Variants in CCDC171 observed in about 807,000 individuals in gnomAD.
CCDC171 encodes the protein coiled-coil domain containing 171, also known as coiled-coil domain-containing protein 171.
In CCDC171, 177 loss-of-function variants were observed where a neutral mutation model predicts 168.2. That is an observed-to-expected ratio of 1.05 (90% CI 0.93 to 1.19). The LOEUF is 1.19. Ranked by LOEUF, CCDC171 falls within the 50% of genes most tolerant of loss-of-function variation. CCDC171 has a pLI of 0.00. For synonymous variants in CCDC171, 687 were observed against 540.8 expected, an observed-to-expected ratio of 1.27 and a Z score of -3.75; for missense variants, 1,991 against 1,539.0, an observed-to-expected ratio of 1.29 and a Z score of -4.91.
At chr9:15,832,981 C>CTT (rs71325937) in intron 21 of CCDC171, among the ~76,000 whole-genome samples, 71 of 69,418 alleles carry the variant, frequency 1.0e-3, no homozygotes, top group Middle Eastern at 0.011. Flanking sequence ...TCATTATAAT[C>CTT]TTTTTTTTTT....
Position 15,665,779 on chromosome 9 carries a change from T to C in CCDC171, c.916-384T>C, listed in dbSNP as rs937101305. On this transcript the variant is annotated intron_variant, in intron 8 of 25. Coordinates refer to ENST00000380701, the MANE Select transcript of CCDC171 (RefSeq NM_173550.4). The stretch of plus-strand genomic sequence containing the variant: ...CTGGGTGACAAAGTGAGACCTTGTC[T>C]CTTAAAAAACCCAAACATTTAATTT... Among the ~76,000 whole-genome samples the C allele has an allele frequency of 3.3e-5, 5 of 152,204 alleles. No homozygotes were observed. The East Asian group carries it at 9.6e-4, about 29-fold the overall frequency.
chr9:15,989,784 C>G (rs966578889), intron 3 of CCDC171, among the ~76,000 whole-genome samples: 26 of 152,076 alleles, frequency 1.7e-4, no homozygotes, highest in Admixed American at 6.5e-5. Context: ...GACAAATGCA[C>G]AAGCTTCAGT....
intron 2 of CCDC171, among the ~76,000 whole-genome samples, chr9:15,569,949 TG>T (rs2040086388): frequency 6.6e-6 from 1 of 152,154 alleles, no homozygotes; most frequent in South Asian, 2.1e-4. Flanking sequence ...TTTCTTAGTT[TG>T]TGTTTTTGAT....
intron 21 of CCDC171, chr9:15,845,698 A>G (rs1176368098): frequency 6.6e-6 from 1 of 152,116 alleles, no homozygotes; most frequent in Non-Finnish European, 1.5e-5. Flanking sequence ...AGAAAACATT[A>G]TGTGTATGCA....
intron 23 of CCDC171, among the ~76,000 whole-genome samples, chr9:15,854,828 T>C (rs2061285069): frequency 6.6e-6 from 1 of 151,770 alleles, no homozygotes; most frequent in African/African-American, 2.4e-5. Flanking sequence ...CTAATTTCTA[T>C]GATTTCTTCA....
rs2059727545 is a variant in CCDC171, at chr9:15,820,519, C to A, written c.3268-26183C>A. Among the ~76,000 whole-genome samples, 3 of 116,774 alleles carry A rather than the reference C, an allele frequency of 2.6e-5. 1 individual carries two copies. The highest frequency in any genetic ancestry group is 8.1e-5 in the Admixed American group (1 of 12,358). 76.6% of individuals were successfully genotyped at this position (116,774 alleles called of 152,430 possible). ...GATAAAGGGGATATCACCACCGATC[C>A]CACAGAAATACAAACTACCATCAGA... is the stretch of plus-strand genomic sequence containing the variant. On this transcript the variant is annotated intron_variant, in intron 21 of 25. Transcript: ENST00000380701.
At chr9:15,985,655 C>T (rs1177112398) in intron 3 of CCDC171, among the ~76,000 whole-genome samples, 3 of 152,144 alleles carry the variant, frequency 2.0e-5, no homozygotes, top group African/African-American at 7.2e-5. Flanking sequence ...AAAATACTGA[C>T]AATTTAGGAA....
intron 4 of CCDC171, among the ~76,000 whole-genome samples, chr9:16,022,138 T>C (rs1833183850): frequency 6.6e-6 from 1 of 152,184 alleles, no homozygotes; most frequent in South Asian, 2.1e-4. Context: ...TGATGGCTAC[T>C]CCAGCAGTGA....
At chr9:16,082,333 G>A in the CCDC171 span, among the ~76,000 whole-genome samples, 5 of 152,156 alleles carry the variant, frequency 3.3e-5, no homozygotes, top group Non-Finnish European at 7.4e-5. Flanking sequence ...GTCCAAATGG[G>A]TTTGATGCAG....
chr9:16,081,262 T>C, the CCDC171 span, among the ~76,000 whole-genome samples: 1 of 152,210 alleles, frequency 6.6e-6, no homozygotes, highest in Non-Finnish European at 1.5e-5. Flanking sequence ...TTATACCCAA[T>C]GCAGCCCAAT....
chr9:15,710,044 A>G (rs189307039), intron 11 of CCDC171, among the ~76,000 whole-genome samples: 1 of 152,280 alleles, frequency 6.6e-6, no homozygotes, highest in East Asian at 1.9e-4. Context: ...CTGCTGTATT[A>G]TATTGAAAAC....
At chr9:16,054,538 T>A (rs976742724) in intron 1 of CCDC171, among the ~76,000 whole-genome samples, 2 of 152,162 alleles carry the variant, frequency 1.3e-5, no homozygotes, top group Admixed American at 1.3e-4. Flanking sequence ...CCTTCCCCAC[T>A]AGGACCTGGA....
At chr9:15,565,941 C>T (rs902072889) in intron 2 of CCDC171, among the ~76,000 whole-genome samples, 1 of 152,182 alleles carries the variant, frequency 6.6e-6, no homozygotes, top group African/African-American at 2.4e-5. Flanking sequence ...AAATTGTGTT[C>T]TGAAGTGGCT....
chr9:15,868,806 C>A (rs1338016035), intron 23 of CCDC171, among the ~76,000 whole-genome samples: 6 of 151,942 alleles, frequency 3.9e-5, no homozygotes, highest in African/African-American at 1.2e-4. Context: ...AACTATTTCA[C>A]AAGGTGGGTA....
At chr9:15,625,891 C>T (rs1022988294) in intron 7 of CCDC171, among the ~76,000 whole-genome samples, 2 of 152,154 alleles carry the variant, frequency 1.3e-5, no homozygotes, top group African/African-American at 4.8e-5. Context: ...GGCATTGAAT[C>T]TATAAATTAC....
chr9:15,955,332 C>T (rs1055631636), intron 25 of CCDC171, among the ~76,000 whole-genome samples: 1 of 152,100 alleles, frequency 6.6e-6, no homozygotes, highest in Non-Finnish European at 1.5e-5. Context: ...CTTTAAATTC[C>T]CTGGATGTCA....
At chr9:15,638,199 G>A (rs1471747138) in intron 7 of CCDC171, among the ~76,000 whole-genome samples, 2 of 152,060 alleles carry the variant, frequency 1.3e-5, no homozygotes, top group Non-Finnish European at 2.9e-5. Context: ...TTTTACAAGT[G>A]GAGAGCTTTA....
At chr9:16,036,367 G>T (rs926095270) in intron 8 of CCDC171, among the ~76,000 whole-genome samples, 1 of 152,216 alleles carries the variant, frequency 6.6e-6, no homozygotes, top group African/African-American at 2.4e-5. Context: ...TTTCTTGGCC[G>T]GGCACGGTGG....
At chr9:15,677,274 A>T (rs1011340217) in intron 9 of CCDC171, among the ~76,000 whole-genome samples, 3 of 152,188 alleles carry the variant, frequency 2.0e-5, no homozygotes, top group Non-Finnish European at 2.9e-5. Context: ...ACATAAATGT[A>T]GCATCCAATC....
Sources: gnomAD v4.1 joint callset for allele counts (sites outside exome capture counted in the v4.1 genomes callset) on GRCh38, gnomAD v4.1.1 for gene constraint, MANE v1.5 for transcripts, NCBI Gene and HGNC (gene_info 2026-07-23, HGNC 2026-07-21) for gene names.